Variants in PAPSS2 observed in about 807,000 individuals in gnomAD.
The protein encoded by PAPSS2 is 3'-phosphoadenosine 5'-phosphosulfate synthase 2, also known as bifunctional 3'-phosphoadenosine 5'-phosphosulfate synthase 2.
A neutral mutation model predicts 66.5 loss-of-function variants in PAPSS2; 61 were observed. The observed-to-expected ratio is 0.92, with a 90% CI of 0.75 to 1.14. The LOEUF (loss-of-function observed/expected upper bound fraction) is 1.14. Among genes scored for constraint, PAPSS2 ranks in the 50% most tolerant of loss-of-function variants. The pLI, the probability that PAPSS2 is intolerant of heterozygous loss-of-function variation, is 0.00. For synonymous variants in PAPSS2, 289 were observed against 287.5 expected (o/e 1.01, Z -0.05); for missense variants, 708 against 789.6 (o/e 0.90, Z 1.24).
chr10:87,709,043 G>C, intron 1 of PAPSS2, 153 bp from the exon 2 acceptor site: 1 of 553,116 alleles, frequency 1.8e-6, no homozygotes, highest in Non-Finnish European at 3.3e-6. Context: ...TATTAGAATG[G>C]ACAAAGGTGA....
In PAPSS2 at chr10:87,709,554, T is replaced by C. The variant is rs2302403; in HGVS notation, c.145+241T>C. Among the ~76,000 whole-genome samples the C allele has an allele frequency of 0.06, 9,203 of 152,170 alleles. 828 individuals carry two copies. Among genetic ancestry groups the C allele is most frequent in the East Asian group, 0.45 (2,331 of 5,142 alleles). The stretch of plus-strand genomic sequence containing the variant: ...TGTGAAAGTCTCTAGTTGTCACTTT[T>C]CTCCTCTTTGGCAGGAAAGGACGGG... On this transcript the variant is annotated intron_variant, in intron 2 of 12. Transcript: ENST00000456849.
intron 6 of PAPSS2, 41 bp from the exon 7 acceptor site, chr10:87,715,691 A>C: frequency 7.6e-7 from 1 of 1,318,470 alleles, no homozygotes; most frequent in East Asian, 2.3e-5. Flanking sequence ...CCTGGAAAAC[A>C]GAACTTATGA....
intron 8 of PAPSS2, among the ~76,000 whole-genome samples, chr10:87,725,884 T>TACACACACACAC (rs60791274): frequency 0.028 from 3,975 of 140,398 alleles, 115 homozygotes; most frequent in African/African-American, 0.072. Context: ...TATGTGTGTA[T>TACACACACACAC]ACACACACAC....
At chr10:87,688,288 GAT>G (rs1400837617) in intron 1 of PAPSS2, among the ~76,000 whole-genome samples, 1 of 151,730 alleles carries the variant, frequency 6.6e-6, no homozygotes, top group African/African-American at 2.4e-5. Flanking sequence ...TTTTTCAAAA[GAT>G]AATGATAAAA....
At chr10:87,660,804 G>T (rs1033695865) in intron 1 of PAPSS2, among the ~76,000 whole-genome samples, 6 of 114,150 alleles carry the variant, frequency 5.3e-5, no homozygotes, top group Admixed American at 4.0e-4. Context: ...CCAATAAACT[G>T]AAAAAAAAAA....
In PAPSS2 at chr10:87,741,552, G is replaced by A. The variant is rs112718183; in HGVS notation, c.1222+182G>A. On this transcript the variant is annotated intron_variant, in intron 10 of 12. Transcript: ENST00000456849. ...TTGGATTACAGGTGCCCACCACTAC[G>A]CCCAGCTAATTTTTGTATTTTTAGT... Among the ~76,000 whole-genome samples the A allele has an allele frequency of 2.5e-3, 378 of 151,906 alleles. 3 individuals carry two copies. Among genetic ancestry groups the A allele is most frequent in the African/African-American group, 8.7e-3 (362 of 41,454 alleles).
At position 87,698,121 on chromosome 10, in the gene PAPSS2, G is replaced by C. The variant is rs538496317; in HGVS notation, c.28-11075G>C. 8.7e-4 allele frequency among the ~76,000 whole-genome samples: 133 copies of C among 152,094 alleles called. 1 individual carries two copies. The highest frequency in any genetic ancestry group is 3.1e-3 in the African/African-American group (130 of 41,482). ...TCCATCTGTTTTTTTCTTTGTCATC[G>C]TTGTTGCAATGTTTTCATACTATTC... On this transcript the variant is annotated intron_variant, in intron 1 of 12. Coordinates refer to ENST00000456849, the MANE Select transcript of PAPSS2 (RefSeq NM_001015880.2).
At chr10:87,668,658 A>ATGTGTGTG (rs58768390) in intron 1 of PAPSS2, among the ~76,000 whole-genome samples, 120 of 149,256 alleles carry the variant, frequency 8.0e-4, no homozygotes, top group South Asian at 4.3e-3. Context: ...TACTTTAAAA[A>ATGTGTGTG]TGTGTGTGTG....
At chr10:87,682,229 A>G (rs182358981) in intron 1 of PAPSS2, among the ~76,000 whole-genome samples, 3 of 152,352 alleles carry the variant, frequency 2.0e-5, no homozygotes, top group Admixed American at 2.0e-4. Flanking sequence ...GGCATTGTAT[A>G]GCCATGCCGG....
chr10:87,665,953 T>C (rs1259055216), intron 1 of PAPSS2, among the ~76,000 whole-genome samples: 1 of 143,980 alleles, frequency 6.9e-6, no homozygotes, highest in Non-Finnish European at 1.5e-5. Context: ...CTATTTGTTG[T>C]TTTAATTTTT....
At position 87,740,837 on chromosome 10, in the gene PAPSS2, A is replaced by C. The variant is rs542438401; in HGVS notation, c.1087-398A>C. ...GTCAGATATTAAAAAGATTGCAAAT[A>C]TGTAAAACAATACCATACTTCCCTA... On this transcript the variant is annotated intron_variant, in intron 9 of 12. Transcript: ENST00000456849. Among the ~76,000 whole-genome samples the C allele has an allele frequency of 7.9e-5, 12 of 152,242 alleles. No homozygotes were observed. In the South Asian group the frequency reaches 2.5e-3, roughly 32 times the overall value.
chr10:87,745,528 T>G (rs574112344), intron 12 of PAPSS2, among the ~76,000 whole-genome samples: 1 of 152,288 alleles, frequency 6.6e-6, no homozygotes, highest in African/African-American at 2.4e-5. Context: ...TTGCAATGAA[T>G]ATTTATGGTG....
rs1306736795 is a variant in PAPSS2 at position 87,743,783 on chromosome 10, CTTAA to C, written c.1491+146_1491+149del. The C allele has an allele frequency of 5.0e-6, 5 of 1,008,520 alleles. No homozygotes were observed. In the South Asian group the frequency reaches 5.5e-5, roughly 11 times the overall value. The allele number at this position is 1,008,520 out of a possible 1,614,324, so 62.5% of individuals were successfully genotyped here. On this transcript the variant is annotated intron_variant, in intron 11 of 12. Coordinates refer to ENST00000456849, the MANE Select transcript of PAPSS2 (RefSeq NM_001015880.2). ...GTTCTGGTGTCTCTTCTTTATCTAG[CTTAA>C]TTATGTTTCCACTTAGTATTTGAAA... is the stretch of plus-strand genomic sequence containing the variant.
intron 1 of PAPSS2, among the ~76,000 whole-genome samples, chr10:87,662,638 A>G (rs1459112864): frequency 7.1e-6 from 1 of 140,546 alleles, no homozygotes; most frequent in East Asian, 2.2e-4. Flanking sequence ...GAAAGAAGGG[A>G]AGGCAAAGGC....
chr10:87,696,679 TA>T (rs1853238995), intron 1 of PAPSS2, among the ~76,000 whole-genome samples: 1 of 152,208 alleles, frequency 6.6e-6, no homozygotes, highest in Admixed American at 6.6e-5. Flanking sequence ...ACCCTTAAAT[TA>T]AAAGTAAAAT....
chr10:87,722,195 G>C (rs984453454), intron 8 of PAPSS2, among the ~76,000 whole-genome samples: 2 of 152,216 alleles, frequency 1.3e-5, no homozygotes, highest in Admixed American at 6.5e-5. Context: ...AATGTACCTG[G>C]TTGGATTGTG....
intron 9 of PAPSS2, among the ~76,000 whole-genome samples, chr10:87,739,109 T>G (rs1853835282): frequency 1.3e-5 from 2 of 152,322 alleles, no homozygotes; most frequent in Non-Finnish European, 2.9e-5. Flanking sequence ...GCTTTTTCCC[T>G]TATATTTTTT....
intron 1 of PAPSS2, among the ~76,000 whole-genome samples, chr10:87,689,390 G>T (rs1853136203): frequency 6.6e-6 from 1 of 151,322 alleles, no homozygotes. Context: ...TGGCCTGGGG[G>T]ACAGGCGCAG....
intron 8 of PAPSS2, among the ~76,000 whole-genome samples, chr10:87,725,127 G>A (rs773388543): frequency 1.2e-4 from 19 of 152,172 alleles, no homozygotes; most frequent in Non-Finnish European, 2.2e-4. Flanking sequence ...TGATTTAAAT[G>A]TTAATCCCAT....
Sources: allele counts gnomAD v4.1 joint callset (sites outside exome capture counted in the v4.1 genomes callset), GRCh38; gene constraint gnomAD v4.1.1; transcripts MANE v1.5; gene names NCBI Gene and HGNC (gene_info 2026-07-23, HGNC 2026-07-21).